STAB1: variants seen among roughly 807,000 people sequenced by gnomAD.
STAB1 encodes the protein stabilin 1.
A neutral mutation model predicts 332.4 loss-of-function variants in STAB1; 250 were observed. The ratio of observed to expected loss-of-function variants is 0.75; its 90% CI spans 0.68 to 0.84. The LOEUF (loss-of-function observed/expected upper bound fraction) is 0.84. Among genes scored for constraint, STAB1 ranks in the 40% least tolerant of loss-of-function variants. STAB1 has a pLI of 0.00. For synonymous variants in STAB1, 1,475 were observed against 1,390.4 expected (o/e 1.06, Z -1.35); for missense variants, 3,249 against 3,489.7 (o/e 0.93, Z 1.74).
At chr3:52,512,672 G>A in intron 28 of STAB1, 29 bp downstream of exon 28, 2 of 1,613,460 alleles carry the variant, frequency 1.2e-6, no homozygotes, top group South Asian at 1.1e-5. Flanking sequence ...CTGGGGTTGA[G>A]GGCTCAAATC....
chr3:52,498,195 G>A (rs1160855686), intron 1 of STAB1, among the ~76,000 whole-genome samples: 1 of 152,208 alleles, frequency 6.6e-6, no homozygotes, highest in Non-Finnish European at 1.5e-5. Flanking sequence ...TTCACACTTC[G>A]TGTCTCCTCA....
Position 52,514,436 on chromosome 3 carries a change from A to C in STAB1, c.3618A>C (p.Gly1206=). The change falls in exon 34 of 69, where the codon GGA becomes GGC. Residue 1206 remains glycine, a synonymous_variant. Transcript: ENST00000321725. ...ALSMETLRKG[G]HRNSLLGPAH... The stretch of plus-strand genomic sequence containing the variant: ...CCATGGAAACCCTGCGGAAGGGTGG[A>C]CACCGCAACTCCCTCCTGGGCCCTG... 6.4e-7 allele frequency: 1 copy of C among 1,556,954 alleles called. No homozygotes were observed. Among genetic ancestry groups the C allele is most frequent in the South Asian group, 1.2e-5 (1 of 81,546 alleles).
chr3:52,518,925 G>T (rs1447111334), intron 48 of STAB1, 56 bp downstream of exon 48: 11 of 1,245,722 alleles, frequency 8.8e-6, no homozygotes, highest in Non-Finnish European at 1.1e-5. Context: ...GCCCCTGCGC[G>T]CCATTGCCCC....
Position 52,508,108 on chromosome 3 carries a change from G to A in STAB1, c.2148+82G>A, listed in dbSNP as rs978224986. On this transcript the variant is annotated intron_variant, in intron 20 of 68. Transcript: ENST00000321725. ...GGGGCCCCCAAGCTGGGGCTGAGTG[G>A]GCTCCCTCCCTCAGAGGATGCACTG... is the stretch of plus-strand genomic sequence containing the variant. The A allele has an allele frequency of 1.9e-5, 28 of 1,447,054 alleles. No individual in the cohort carries two copies. The African/African-American group carries it at 3.6e-4, about 19-fold the overall frequency. The allele number at this position is 1,447,054 out of a possible 1,614,324, so 89.6% of individuals were successfully genotyped here.
rs776846940 is a variant in STAB1 at position 52,519,514 on chromosome 3, A to ACCG, written c.5194_5196dup (p.Ala1732dup). On this transcript the variant is annotated inframe_insertion, in exon 50 of 69. Coordinates refer to ENST00000321725, the MANE Select transcript of STAB1 (RefSeq NM_015136.3). ...GAGAGCCTTTCCTCAGAGAAATGTC[A>ACCG]CCGCCGCCGCCCAGGGCTTCGGTTA... 6.2e-7 allele frequency: 1 copy of ACCG among 1,613,082 alleles called. No individual in the cohort carries two copies. The highest frequency in any genetic ancestry group is 1.1e-5 in the South Asian group (1 of 91,080).
rs1477877975 is a variant in STAB1 at position 52,501,654 on chromosome 3, G to A, written c.232G>A (p.Gly78Arg). The A allele has an allele frequency of 6.4e-7, 1 of 1,568,002 alleles. No homozygotes were observed. The highest frequency in any genetic ancestry group is 2.4e-5 in the East Asian group (1 of 41,924). ...TQDCRYEVQL[G>R]GSMVSMSGCR... ...TGCCCCCAGCTACGAAGTACAGCTG[G>A]GGGGCTCTATGGTGTCCATGAGCGG... The change falls in exon 3 of 69, where the codon GGG becomes AGG. Residue 78 changes from glycine to arginine, a missense_variant. Coordinates refer to ENST00000321725, the MANE Select transcript of STAB1 (RefSeq NM_015136.3).
Position 52,520,308 on chromosome 3 carries a change from G to C in STAB1, c.5499+18G>C. The C allele has an allele frequency of 1.2e-6, 2 of 1,613,026 alleles. No homozygotes were observed. Among genetic ancestry groups the C allele is most frequent in the Non-Finnish European group, 1.7e-6 (2 of 1,180,022 alleles). Reference sequence around the variant, plus strand: ...CGCGGGCCGTGAGTCTGGGGAGAGGGCTTGGATGAAGGGAGTAGGAGGCAG... The same window carrying C: ...CGCGGGCCGTGAGTCTGGGGAGAGGCCTTGGATGAAGGGAGTAGGAGGCAG... On this transcript the variant is annotated intron_variant, in intron 52 of 68. Transcript: ENST00000321725.
Position 52,504,106 on chromosome 3 carries a change from G to C in STAB1, c.1101G>C (p.Thr367=). 6.3e-7 allele frequency: 1 copy of C among 1,591,570 alleles called. No individual in the cohort carries two copies. Among genetic ancestry groups the C allele is most frequent in the Non-Finnish European group, 8.5e-7 (1 of 1,169,712 alleles). ...TGCTCCACGAGGTGCAGAAGGCCAC[G>C]CAGACAGGCCGGGTGTTCCTGCAGC... The part of the protein sequence containing the change: ...GHLLHEVQKA[T]QTGRVFLQLR... Residue 367 remains threonine (T), a synonymous_variant, in exon 10 of 69, where the codon ACG becomes ACC. Coordinates refer to ENST00000321725, the MANE Select transcript of STAB1 (RefSeq NM_015136.3).
At chr3:52,517,838 T>A in intron 44 of STAB1, 43 bp from the exon 45 acceptor site, 1 of 1,611,356 alleles carries the variant, frequency 6.2e-7, no homozygotes, top group South Asian at 1.1e-5. Flanking sequence ...GATAGAGAAG[T>A]AGTGAAAGCC....
In STAB1 at chr3:52,518,554, G is replaced by A. The variant is rs1219789726; in HGVS notation, c.4828G>A (p.Gly1610Ser). 5 of 1,593,538 alleles carry A rather than the reference G, an allele frequency of 3.1e-6. No individual in the cohort carries two copies. The highest frequency in any genetic ancestry group is 2.3e-5 in the South Asian group (2 of 88,482). ...CCCGCAGGAATATAAGGAGCTCAAG[G>A]GCGATGGGCCTTTCACCATCTTCGT... ...LRLLEYKELK[G>S]DGPFTIFVPH... Residue 1610 changes from glycine (G) to serine (S), a missense_variant, in exon 47 of 69, where the codon GGC (glycine) becomes AGC (serine). Gly to Ser is a moderately conservative substitution (Grantham distance 56, BLOSUM62 0). Transcript: ENST00000321725.
chr3:52,517,268 G>T (rs67409736), intron 42 of STAB1, 52 bp from the exon 43 acceptor site: 839,381 of 1,508,878 alleles, frequency 0.56, 236,831 homozygotes, highest in African/African-American at 0.66. Context: ...AAAGGACAGA[G>T]GAAGGGGGGG....
chr3:52,505,594 T>C, intron 14 of STAB1, 74 bp from the exon 15 acceptor site: 1 of 1,462,124 alleles, frequency 6.8e-7, no homozygotes, highest in Non-Finnish European at 9.4e-7. Context: ...AGGCCAAAGG[T>C]GGCAGGGCCC....
Position 52,506,012 on chromosome 3 carries a change from C to T in STAB1, c.1749+76C>T, listed in dbSNP as rs144207471. ...CTGCAGGTTCTGGACTTCCCCAAGG[C>T]CCCATCTCTTCTCCATCTCCCTTCC... On this transcript the variant is annotated intron_variant, in intron 16 of 68. Coordinates refer to ENST00000321725, the MANE Select transcript of STAB1 (RefSeq NM_015136.3). 3.9e-4 allele frequency: 621 copies of T among 1,572,488 alleles called. 2 individuals are homozygous for T. Among genetic ancestry groups the T allele is most frequent in the Middle Eastern group, 2.9e-3 (17 of 5,926 alleles).
chr3:52,520,453 C>T lies in STAB1; in HGVS notation c.5553C>T (p.Pro1851=), dbSNP rs769454433. ...DDARIVQRHL[P]FEGGLAYGID... is the part of the protein sequence containing the mutation. ...CTCGCATTGTGCAGCGGCACTTGCC[C>T]TTTGAGGGTGGCCTGGCCTATGGCA... is the stretch of plus-strand genomic sequence containing the variant. Residue 1851 remains proline, a synonymous_variant, in exon 53 of 69, where the codon CCC becomes CCT. Coordinates refer to ENST00000321725, the MANE Select transcript of STAB1 (RefSeq NM_015136.3). The T allele has an allele frequency of 1.9e-6, 3 of 1,612,810 alleles. No individual in the cohort carries two copies. Among genetic ancestry groups the T allele is most frequent in the Non-Finnish European group, 2.5e-6 (3 of 1,179,898 alleles).
At position 52,510,181 on chromosome 3, in the gene STAB1, C is replaced by T. The variant is rs1485297791; in HGVS notation, c.2574C>T (p.Ser858=). 1.2e-6 allele frequency: 2 copies of T among 1,613,912 alleles called. No individual in the cohort carries two copies. Among genetic ancestry groups the T allele is most frequent in the African/African-American group, 1.3e-5 (1 of 74,940 alleles). The part of the protein sequence containing the change: ...CLDGFEGDGF[S]CTPSNPCSHP... ...ATGGCTTTGAGGGTGATGGCTTCTC[C>T]TGCACACCTAGCAACCCCTGCTCCC... Residue 858 remains serine (S), a synonymous_variant, in exon 24 of 69, where the codon TCC becomes TCT. Coordinates refer to ENST00000321725, the MANE Select transcript of STAB1 (RefSeq NM_015136.3).
rs1275326260 is a variant in STAB1, at chr3:52,519,663, C to T, written c.5235+99C>T. ...CTGTGTGTGCATACCCACCTGTGTG[C>T]ACACTGTCCCGTGTGAGCCTGTGTG... On this transcript the variant is annotated intron_variant, in intron 50 of 68. Coordinates refer to ENST00000321725, the MANE Select transcript of STAB1 (RefSeq NM_015136.3). The T allele has an allele frequency of 6.0e-6, 9 of 1,510,238 alleles. No individual in the cohort carries two copies. The African/African-American group carries it at 1.1e-4, about 18-fold the overall frequency. 93.6% of individuals were successfully genotyped at this position (1,510,238 alleles called of 1,614,324 possible). A position where few individuals can be genotyped will look rare whatever the true frequency, so the allele number is the denominator to read the frequency against.
rs1348995401 is a variant in STAB1 at position 52,523,596 on chromosome 3, C to T, written c.7290+20C>T. ...CCTGTGGTGAGTCTGGCCACTGTCC[C>T]ACCCTGTTGGCCCTGGCCCTCGCTC... On this transcript the variant is annotated intron_variant, in intron 65 of 68. Transcript: ENST00000321725. 2 of 1,612,716 alleles carry T rather than the reference C, an allele frequency of 1.2e-6. No individual in the cohort carries two copies. The highest frequency in any genetic ancestry group is 8.5e-7 in the Non-Finnish European group (1 of 1,180,016).
Position 52,503,506 on chromosome 3 carries a change from A to C in STAB1, c.857A>C (p.Asn286Thr). 1.2e-6 allele frequency: 2 copies of C among 1,613,394 alleles called. No homozygotes were observed. Among genetic ancestry groups the C allele is most frequent in the Non-Finnish European group, 1.7e-6 (2 of 1,179,968 alleles). Reference protein sequence around the residue: ...CTDNLGGCPSNSTLCVYQKPG... With the variant: ...CTDNLGGCPSTSTLCVYQKPG... The stretch of plus-strand genomic sequence containing the variant: ...GACAACCTTGGTGGCTGCCCCAGCA[A>C]CTCTACTTTGTGTGTGTACCAGAAG... The change falls in exon 8 of 69, where the codon AAC (asparagine) becomes ACC (threonine). Residue 286 changes from asparagine to threonine, a missense_variant. Transcript: ENST00000321725.
chr3:52,521,926 T>C lies in STAB1; in HGVS notation c.6246T>C (p.Tyr2082=). ...ACAGCTGTGAGTGCAGCCTGGGCTATGAAGGGGATGGCCGTGTGTGTACAG... is the reference window on the plus strand; with the variant it reads ...ACAGCTGTGAGTGCAGCCTGGGCTACGAAGGGGATGGCCGTGTGTGTACAG... The part of the protein sequence containing the change: ...AGNSCECSLG[Y]EGDGRVCTVA... The change falls in exon 58 of 69, where the codon TAT becomes TAC. Residue 2082 remains tyrosine (Y), a synonymous_variant. Transcript: ENST00000321725. The C allele has an allele frequency of 6.2e-7, 1 of 1,609,286 alleles. No homozygotes were observed. The highest frequency in any genetic ancestry group is 2.2e-5 in the East Asian group (1 of 44,774).
Sources: gnomAD v4.1 joint callset for allele counts (sites outside exome capture counted in the v4.1 genomes callset) on GRCh38, gnomAD v4.1.1 for gene constraint, MANE v1.5 for transcripts, NCBI Gene and HGNC (gene_info 2026-07-23, HGNC 2026-07-21) for gene names.